The following ERAP1 variants were observed in gnomAD, a reference collection of about 807,000 sequenced individuals.
ERAP1 encodes the protein adipocyte-derived leucine aminopeptidase.
ERAP1 carries 86 observed loss-of-function variants against 103.7 expected under a neutral mutation model. The observed-to-expected ratio is 0.83, with a 90% confidence interval of 0.70 to 0.99. The LOEUF is 0.99. ERAP1 is among the 50% of genes least tolerant of loss of function. The pLI is 0.00. For missense variants in ERAP1, 1,009 were observed against 1,128.4 expected, an observed-to-expected ratio of 0.89 and a Z score of 1.52; for synonymous variants, 398 against 402.4, an observed-to-expected ratio of 0.99 and a Z score of 0.13.
chr5:96,829,724 T>G, the ERAP1 span, among the ~76,000 whole-genome samples: 149,502 of 152,318 alleles, frequency 0.98, 73,422 homozygotes, highest in East Asian at 1. Context: ...TATTTTTAAT[T>G]ATTTTTGTAT....
chr5:96,857,220 C>T, the ERAP1 span, among the ~76,000 whole-genome samples: 2 of 152,240 alleles, frequency 1.3e-5, no homozygotes, highest in East Asian at 1.9e-4. Flanking sequence ...CTTCCCTGAT[C>T]TCCCAGGGCC....
chr5:96,783,384 T>G (rs995904529), intron 14 of ERAP1, 149 bp from the exon 15 acceptor site: 5 of 628,156 alleles, frequency 8.0e-6, no homozygotes, highest in Non-Finnish European at 1.0e-5. Flanking sequence ...TGTTTAATTA[T>G]AAAAGGGCCA....
At chr5:96,793,538 AC>A (rs773278573) in intron 6 of ERAP1, 25 bp from the exon 7 acceptor site, 37 of 1,527,180 alleles carry the variant, frequency 2.4e-5, no homozygotes, top group Non-Finnish European at 3.2e-5. Context: ...TAAGCCATAA[AC>A]AAAGACACTC....
the ERAP1 span, among the ~76,000 whole-genome samples, chr5:96,842,270 TA>T: frequency 6.6e-6 from 1 of 152,230 alleles, no homozygotes; most frequent in African/African-American, 2.4e-5. Flanking sequence ...GTCTTTTTCA[TA>T]TAACGACTTA....
the ERAP1 span, among the ~76,000 whole-genome samples, chr5:96,857,317 C>G: frequency 6.6e-6 from 1 of 152,110 alleles, no homozygotes; most frequent in Non-Finnish European, 1.5e-5. Context: ...TTATTGTTGC[C>G]TTTTTGTTTG....
chr5:96,768,983 G>A (rs1225291462), intron 19 of ERAP1: 1 of 152,206 alleles, frequency 6.6e-6, no homozygotes, highest in East Asian at 1.9e-4. Flanking sequence ...AAAATGCCTG[G>A]TACTTAGCAG....
At chr5:96,815,018 T>C in the ERAP1 span, among the ~76,000 whole-genome samples, 1 of 152,224 alleles carries the variant, frequency 6.6e-6, no homozygotes, top group African/African-American at 2.4e-5. Context: ...GACCAGCCCA[T>C]GTCTACCTCT....
the ERAP1 span, among the ~76,000 whole-genome samples, chr5:96,914,274 T>C: frequency 6.6e-6 from 1 of 152,180 alleles, no homozygotes; most frequent in Non-Finnish European, 1.5e-5. Context: ...ATTTGCTTTG[T>C]TTATGTCAGG....
chr5:96,775,610 C>T lies in ERAP1; in HGVS notation c.*786G>A. On this transcript the variant is annotated 3_prime_UTR_variant, in exon 19 of 19. Transcript: ENST00000443439. ...GTGCGAGCACATTATGTAGAAACCA[C>T]AAGTCCGCCAGGACTAGTAAAAGCC... 6.6e-6 allele frequency: 4 copies of T among 610,092 alleles called. No homozygotes were observed. The highest frequency in any genetic ancestry group is 8.2e-6 in the Non-Finnish European group (4 of 487,570). The allele number at this position is 610,092 out of a possible 1,614,324, so 37.8% of individuals were successfully genotyped here.
At chr5:96,765,324 A>G (rs1387374343) in intron 19 of ERAP1, 1 of 1,103,618 alleles carries the variant, frequency 9.1e-7, no homozygotes, top group Non-Finnish European at 1.3e-6. Flanking sequence ...GATAAAGTAA[A>G]GGTAAAAAAA....
At position 96,797,578 on chromosome 5, in the gene ERAP1, A is replaced by G. The variant is rs1581614201; in HGVS notation, c.664-269T>C. 2.0e-5 allele frequency among the ~76,000 whole-genome samples: 3 copies of G among 152,238 alleles called. No individual in the cohort carries two copies. The South Asian group carries it at 6.2e-4, about 32-fold the overall frequency. On this transcript the variant is annotated intron_variant, in intron 3 of 18. Transcript: ENST00000443439. ...CTACTGGGGAGGCTGAGGTGGAAGGATGGCTTGAGCCTGGGAGGTGGAGGT... is the reference window on the plus strand; with the variant it reads ...CTACTGGGGAGGCTGAGGTGGAAGGGTGGCTTGAGCCTGGGAGGTGGAGGT...
the ERAP1 span, among the ~76,000 whole-genome samples, chr5:96,916,640 AT>A: frequency 2.0e-5 from 3 of 147,180 alleles, no homozygotes; most frequent in East Asian, 2.0e-4. Context: ...ATTTTTTTGT[AT>A]TTTTTTTTAG....
chr5:96,814,073 G>A, the ERAP1 span: 2 of 316,998 alleles, frequency 6.3e-6, no homozygotes, highest in Non-Finnish European at 1.3e-5. Flanking sequence ...CTGTGGGTTG[G>A]TAGTTTCTGT....
chr5:96,916,408 G>A, the ERAP1 span, among the ~76,000 whole-genome samples: 11 of 150,058 alleles, frequency 7.3e-5, no homozygotes, highest in African/African-American at 1.2e-4. Context: ...GTTTGGAAGC[G>A]TACTTAATGA....
the ERAP1 span, among the ~76,000 whole-genome samples, chr5:96,907,786 G>A: frequency 6.6e-6 from 1 of 152,056 alleles, no homozygotes; most frequent in South Asian, 2.1e-4. Context: ...AGGAGGCTGA[G>A]GCAGGAGAAT....
chr5:96,779,986 G>T (rs1211113860), intron 18 of ERAP1, among the ~76,000 whole-genome samples: 3 of 152,166 alleles, frequency 2.0e-5, no homozygotes, highest in African/African-American at 7.2e-5. Context: ...TCTTAAAGCT[G>T]CCTGAAATTC....
chr5:96,899,637 A>G, the ERAP1 span, among the ~76,000 whole-genome samples: 30 of 152,154 alleles, frequency 2.0e-4, no homozygotes, highest in African/African-American at 5.1e-4. Flanking sequence ...TACACTCATC[A>G]CATGCTGTTG....
At chr5:96,886,662 C>A in the ERAP1 span, 1 of 1,519,812 alleles carries the variant, frequency 6.6e-7, no homozygotes. Flanking sequence ...TAGGTTAAGA[C>A]AATTGAACTT....
chr5:96,912,928 C>T, the ERAP1 span: 1 of 713,472 alleles, frequency 1.4e-6, no homozygotes, highest in Non-Finnish European at 2.2e-6. Context: ...TTTAACTTTA[C>T]TTTCAGAAAA....
Sources: allele counts gnomAD v4.1 joint callset (sites outside exome capture counted in the v4.1 genomes callset), GRCh38; gene constraint gnomAD v4.1.1; transcripts MANE v1.5; gene names NCBI Gene and HGNC (gene_info 2026-07-23, HGNC 2026-07-21).